Variants in RBFOX1 observed in about 807,000 individuals in gnomAD.
The protein encoded by RBFOX1 is RNA binding protein fox-1 homolog 1.
RBFOX1 carries 8 observed loss-of-function variants against 57.7 expected under a neutral mutation model. The ratio of observed to expected loss-of-function variants is 0.14; its 90% CI spans 0.08 to 0.25. The LOEUF (loss-of-function observed/expected upper bound fraction) is 0.25, where lower values mean the gene tolerates loss of function less well. Among genes scored for constraint, RBFOX1 ranks in the 10% least tolerant of loss-of-function variants. RBFOX1 has a pLI of 1.00. For synonymous variants in RBFOX1, 326 were observed against 222.4 expected (o/e 1.47, Z -4.15); for missense variants, 611 against 548.5 (o/e 1.11, Z -1.14).
At chr16:6,540,674 G>A (rs1429394314) in intron 2 of RBFOX1, among the ~76,000 whole-genome samples, 2 of 147,544 alleles carry the variant, frequency 1.4e-5, no homozygotes, top group Non-Finnish European at 3.0e-5. Context: ...TTTCAAGAAT[G>A]CCTAATCTGT....
At chr16:7,004,340 A>G (rs769991467) in intron 3 of RBFOX1, among the ~76,000 whole-genome samples, 3 of 152,160 alleles carry the variant, frequency 2.0e-5, no homozygotes, top group Non-Finnish European at 2.9e-5. Flanking sequence ...TAAACTCCTC[A>G]ACATCAGGGT....
At chr16:6,455,426 C>T (rs570712713) in intron 2 of RBFOX1, among the ~76,000 whole-genome samples, 3 of 152,290 alleles carry the variant, frequency 2.0e-5, no homozygotes, top group African/African-American at 7.2e-5. Flanking sequence ...CCTCTACACC[C>T]AACCTTGACC....
At chr16:6,999,274 C>G (rs1331565229) in intron 3 of RBFOX1, among the ~76,000 whole-genome samples, 5 of 139,638 alleles carry the variant, frequency 3.6e-5, no homozygotes, top group Admixed American at 1.5e-4. Context: ...TCAGGCTGGT[C>G]CTGAACTCCT....
intron 3 of RBFOX1, among the ~76,000 whole-genome samples, chr16:7,015,538 A>T (rs2093867800): frequency 6.6e-6 from 1 of 152,164 alleles, no homozygotes; most frequent in South Asian, 2.1e-4. Context: ...GCATCAATTA[A>T]TTCTCAGGAC....
intron 9 of RBFOX1, among the ~76,000 whole-genome samples, chr16:7,597,762 T>C (rs1285604643): frequency 1.3e-5 from 2 of 152,236 alleles, no homozygotes; most frequent in African/African-American, 4.8e-5. Flanking sequence ...GTTTAGTTTG[T>C]TTGCTTTTCA....
At chr16:5,572,296 A>C (rs1450057314) in intron 2 of RBFOX1, among the ~76,000 whole-genome samples, 1 of 152,186 alleles carries the variant, frequency 6.6e-6, no homozygotes, top group African/African-American at 2.4e-5. Flanking sequence ...AACAGTATTT[A>C]TTGAGTGCAT....
chr16:6,545,121 A>G (rs2096877112), intron 2 of RBFOX1, among the ~76,000 whole-genome samples: 2 of 152,170 alleles, frequency 1.3e-5, no homozygotes, highest in South Asian at 2.1e-4. Context: ...ATATCTAAAA[A>G]TCCGCGTACT....
At chr16:5,541,067 C>T (rs547157941) in intron 2 of RBFOX1, among the ~76,000 whole-genome samples, 34 of 152,190 alleles carry the variant, frequency 2.2e-4, no homozygotes, top group Non-Finnish European at 3.5e-4. Flanking sequence ...CCGGGCTGAT[C>T]TCGAACCCCT....
chr16:7,194,529 C>A (rs575676889), intron 4 of RBFOX1, among the ~76,000 whole-genome samples: 1 of 152,072 alleles, frequency 6.6e-6, no homozygotes, highest in Non-Finnish European at 1.5e-5. Context: ...ATTTAAATTA[C>A]CAAACAGATA....
intron 3 of RBFOX1, among the ~76,000 whole-genome samples, chr16:7,024,595 A>G (rs1211275935): frequency 6.6e-6 from 1 of 152,174 alleles, no homozygotes; most frequent in African/African-American, 2.4e-5. Flanking sequence ...ATTGCAAGCG[A>G]TAACTGTGGG....
intron 3 of RBFOX1, among the ~76,000 whole-genome samples, chr16:6,661,348 A>G (rs1475551522): frequency 6.6e-6 from 1 of 152,212 alleles, no homozygotes; most frequent in Non-Finnish European, 1.5e-5. Flanking sequence ...GGCGAGGACA[A>G]GACGGTGTAG....
chr16:5,481,313 C>G (rs66561059), intron 2 of RBFOX1, among the ~76,000 whole-genome samples: 17,234 of 152,088 alleles, frequency 0.11, 1,316 homozygotes, highest in Non-Finnish European at 0.16. Context: ...GACCTATTTC[C>G]TTGGAATTTT....
chr16:7,376,923 G>A (rs2097695614), intron 4 of RBFOX1, among the ~76,000 whole-genome samples: 1 of 152,062 alleles, frequency 6.6e-6, no homozygotes, highest in Admixed American at 6.6e-5. Flanking sequence ...GACCCATGTT[G>A]TATGAATGAC....
intron 3 of RBFOX1, among the ~76,000 whole-genome samples, chr16:6,777,401 G>A (rs1603620259): frequency 6.6e-6 from 1 of 152,100 alleles, no homozygotes; most frequent in Admixed American, 6.6e-5. Flanking sequence ...CAGGCGCTCG[G>A]GGAATGGAAC....
chr16:6,065,196 T>A (rs1473021866), intron 1 of RBFOX1, among the ~76,000 whole-genome samples: 11 of 52,908 alleles, frequency 2.1e-4, no homozygotes, highest in African/African-American at 5.0e-4. Context: ...ACCGGCTAAT[T>A]TTTTTTTTTT....
At chr16:7,079,006 C>A (rs1009096691) in intron 4 of RBFOX1, among the ~76,000 whole-genome samples, 6 of 150,632 alleles carry the variant, frequency 4.0e-5, no homozygotes, top group Non-Finnish European at 7.4e-5. Context: ...TATTGTGAGG[C>A]ACTGGGAGTT....
intron 3 of RBFOX1, among the ~76,000 whole-genome samples, chr16:6,761,098 A>G (rs1031115472): frequency 2.6e-5 from 4 of 152,240 alleles, no homozygotes; most frequent in African/African-American, 7.2e-5. Flanking sequence ...ATCATTAAAA[A>G]TTAGCACAAT....
Position 5,933,303 on chromosome 16 carries a change from G to A in RBFOX1, c.351+65968G>A, listed in dbSNP as rs188813255. On this transcript the variant is annotated intron_variant, in intron 4 of 19. Transcript: ENST00000641259. ...AAAGCACCAAACCAAGTCAAGGGGA[G>A]TCAATTGATTACTAAATGCAATTCC... Among the ~76,000 whole-genome samples the A allele has an allele frequency of 1.5e-3, 225 of 152,332 alleles. 1 individual carries two copies. Among genetic ancestry groups the A allele is most frequent in the Middle Eastern group, 3.4e-3 (1 of 294 alleles).
chr16:6,903,736 C>T (rs551397206), intron 3 of RBFOX1, among the ~76,000 whole-genome samples: 22 of 152,074 alleles, frequency 1.4e-4, no homozygotes, highest in African/African-American at 4.8e-4. Context: ...CTAATAGGAC[C>T]TCAAAAGAAA....
Sources: gnomAD v4.1 joint callset for allele counts (sites outside exome capture counted in the v4.1 genomes callset) on GRCh38, gnomAD v4.1.1 for gene constraint, MANE v1.5 for transcripts, NCBI Gene and HGNC (gene_info 2026-07-23, HGNC 2026-07-21) for gene names.